MAP4: variants seen among roughly 807,000 people sequenced by gnomAD.
MAP4 encodes the protein microtubule-associated protein 4.
In MAP4, 76 loss-of-function variants were observed where a neutral mutation model predicts 170.2. The observed-to-expected ratio is 0.45, with a 90% CI of 0.37 to 0.54. The LOEUF (loss-of-function observed/expected upper bound fraction) is 0.54, where lower values mean the gene tolerates loss of function less well. MAP4 is among the 20% of genes least tolerant of loss of function. The pLI is 0.00. For synonymous variants in MAP4, 909 were observed against 994.5 expected (o/e 0.91, Z 1.62); for missense variants, 2,506 against 2,748.0 (o/e 0.91, Z 1.97).
chr3:47,882,685 C>T (rs561082079), intron 10 of MAP4, among the ~76,000 whole-genome samples: 5 of 152,146 alleles, frequency 3.3e-5, no homozygotes, highest in Non-Finnish European at 7.4e-5. Flanking sequence ...GTGATCCTGC[C>T]GTCTTCAGCC....
At chr3:47,881,184 C>T (rs191336727) in intron 10 of MAP4, among the ~76,000 whole-genome samples, 8 of 151,702 alleles carry the variant, frequency 5.3e-5, no homozygotes, top group Non-Finnish European at 7.4e-5. Flanking sequence ...CTCCAGGACA[C>T]GTAATCTTTA....
chr3:47,891,646 G>A (rs778496381), intron 10 of MAP4: 9 of 1,536,094 alleles, frequency 5.9e-6, no homozygotes, highest in South Asian at 2.4e-5. Flanking sequence ...CAGCCTCCTC[G>A]GTAGAACTCA....
At chr3:48,009,352 C>T (rs910182724) in intron 1 of MAP4, among the ~76,000 whole-genome samples, 8 of 152,300 alleles carry the variant, frequency 5.3e-5, no homozygotes, top group Admixed American at 4.6e-4. Flanking sequence ...CTGCCTGCCT[C>T]GGCCTCCCAA....
intron 17 of MAP4, among the ~76,000 whole-genome samples, chr3:47,859,128 C>CA (rs1013464762): frequency 2.1e-4 from 31 of 146,380 alleles, no homozygotes; most frequent in East Asian, 1.4e-3. Flanking sequence ...GACTCCGCCT[C>CA]AAAAAAAAAA....
chr3:48,034,222 A>G (rs2100117621), intron 1 of MAP4, among the ~76,000 whole-genome samples: 2 of 152,172 alleles, frequency 1.3e-5, no homozygotes, highest in Non-Finnish European at 1.5e-5. Context: ...AAATGCTTAG[A>G]GGACATTTCA....
intron 1 of MAP4, among the ~76,000 whole-genome samples, chr3:48,010,369 A>G (rs1230843110): frequency 6.6e-6 from 1 of 152,234 alleles, no homozygotes; most frequent in African/African-American, 2.4e-5. Context: ...ATGTATACAC[A>G]TGTACTAATA....
intron 3 of MAP4, among the ~76,000 whole-genome samples, chr3:47,958,008 T>C (rs535589747): frequency 6.6e-5 from 10 of 152,346 alleles, no homozygotes; most frequent in African/African-American, 1.9e-4. Context: ...TCTACTAGCA[T>C]ACACAACAAT....
At chr3:47,968,775 A>T (rs1242510926) in intron 3 of MAP4, among the ~76,000 whole-genome samples, 1 of 152,122 alleles carries the variant, frequency 6.6e-6, no homozygotes, top group Non-Finnish European at 1.5e-5. Flanking sequence ...GAGGAGAGAA[A>T]ATAGAGAAAA....
rs1292651427 is a variant in MAP4, at chr3:48,085,714, G to C, written c.-20+3059C>G. Among the ~76,000 whole-genome samples, 4 of 152,130 alleles carry C rather than the reference G, an allele frequency of 2.6e-5. 1 individual carries two copies. The South Asian group carries it at 8.3e-4, about 31-fold the overall frequency. ...AGGTAGGTGGATCATCTGAGGTCAG[G>C]AGTTCAAGACCAGCCTGGCCAACAT... is the stretch of plus-strand genomic sequence containing the variant. On this transcript the variant is annotated intron_variant, in intron 1 of 18. Transcript: ENST00000360240.
At chr3:48,068,690 A>C (rs2100139541) in intron 1 of MAP4, among the ~76,000 whole-genome samples, 1 of 152,136 alleles carries the variant, frequency 6.6e-6, no homozygotes, top group African/African-American at 2.4e-5. Flanking sequence ...AGGCAGAGGC[A>C]GGAGAATCGC....
chr3:48,037,850 C>T (rs148359672), intron 1 of MAP4, among the ~76,000 whole-genome samples: 2 of 152,176 alleles, frequency 1.3e-5, no homozygotes, highest in African/African-American at 4.8e-5. Flanking sequence ...GCCTATTACC[C>T]TCTATAAACT....
intron 1 of MAP4, among the ~76,000 whole-genome samples, chr3:48,076,821 C>A (rs891865952): frequency 1.3e-5 from 2 of 152,108 alleles, no homozygotes; most frequent in Non-Finnish European, 2.9e-5. Context: ...ACTAGATAAA[C>A]TGGACTTCAT....
chr3:47,876,671 C>T (rs1434152412), intron 11 of MAP4, among the ~76,000 whole-genome samples: 1 of 152,146 alleles, frequency 6.6e-6, no homozygotes, highest in South Asian at 2.1e-4. Context: ...ATAGCAGCCA[C>T]AGCCTACAGT....
intron 17 of MAP4, 30 bp downstream of exon 17, chr3:47,867,216 A>T (rs761828980): frequency 4.0e-5 from 60 of 1,506,688 alleles, no homozygotes; most frequent in Middle Eastern, 3.4e-4. Context: ...GCTATATCTC[A>T]GATGCCAGCT....
At chr3:47,929,265 G>T (rs779030152) in intron 3 of MAP4, among the ~76,000 whole-genome samples, 2 of 152,118 alleles carry the variant, frequency 1.3e-5, no homozygotes, top group African/African-American at 2.4e-5. Context: ...TGAGGCACGA[G>T]AATCACTTGA....
chr3:48,025,040 C>T (rs1284372511), intron 1 of MAP4, among the ~76,000 whole-genome samples: 1 of 151,804 alleles, frequency 6.6e-6, no homozygotes, highest in African/African-American at 2.4e-5. Context: ...GCAGCCTCGA[C>T]CTCCCAGTCA....
chr3:48,042,203 G>A (rs1214622339), intron 1 of MAP4, among the ~76,000 whole-genome samples: 3 of 152,208 alleles, frequency 2.0e-5, no homozygotes, highest in African/African-American at 7.2e-5. Context: ...GGGAGAGGCA[G>A]TCTTGGAAAC....
Position 47,870,907 on chromosome 3 carries a change from C to G in MAP4, c.6200G>C (p.Arg2067Pro), listed in dbSNP as rs779922442. 1 of 1,613,518 alleles carries G rather than the reference C, an allele frequency of 6.2e-7. No individual in the cohort carries two copies. The highest frequency in any genetic ancestry group is 8.5e-7 in the Non-Finnish European group (1 of 1,179,810). Residue 2067 changes from arginine (R) to proline (P), a missense_variant, in exon 15 of 21, where the codon CGC becomes CCC. Arg to Pro is a moderately radical substitution (Grantham distance 103). Transcript: ENST00000683076. Reference protein sequence around the residue: ...KPSSTTPRLSRLATNTSAPDL... With the variant: ...KPSSTTPRLSPLATNTSAPDL... ...AGGAGCAGAAGTATTGGTGGCCAGG[C>G]GGCTGAGCCGGGGGGTGGTGGAGCT... is the stretch of plus-strand genomic sequence containing the variant.
intron 1 of MAP4, among the ~76,000 whole-genome samples, chr3:48,062,108 T>C (rs1157509931): frequency 6.6e-5 from 10 of 152,154 alleles, no homozygotes. Flanking sequence ...GCTGTGTCTG[T>C]GTGGAGAGAA....
Sources: allele counts gnomAD v4.1 joint callset (sites outside exome capture counted in the v4.1 genomes callset), GRCh38; gene constraint gnomAD v4.1.1; transcripts MANE v1.5; gene names NCBI Gene and HGNC (gene_info 2026-07-23, HGNC 2026-07-21).